Variants in FBXO34 observed in about 807,000 individuals in gnomAD.
FBXO34 encodes F-box only protein 34.
Under a neutral mutation model 24.5 loss-of-function variants are expected in FBXO34, and 12 were observed. The ratio of observed to expected loss-of-function variants is 0.49; its 90% confidence interval spans 0.31 to 0.79. The LOEUF (loss-of-function observed/expected upper bound fraction) is 0.79. Among genes scored for constraint, FBXO34 ranks in the 30% least tolerant of loss-of-function variants. The probability of loss-of-function intolerance (pLI) is 0.04; values close to 1 mark genes in which losing one functional copy is unlikely to be tolerated. For synonymous variants in FBXO34, 320 were observed against 311.9 expected, an observed-to-expected ratio of 1.03 and a Z score of -0.27; for missense variants, 823 against 857.7, an observed-to-expected ratio of 0.96 and a Z score of 0.51.
chr14:55,428,417 T>A, the FBXO34 span, among the ~76,000 whole-genome samples: 1 of 152,142 alleles, frequency 6.6e-6, no homozygotes, highest in Non-Finnish European at 1.5e-5. Flanking sequence ...CCAGTGTCAT[T>A]GCCAAGCTAC....
In FBXO34 at chr14:55,350,666, A is replaced by T. The variant is rs769523387; in HGVS notation, c.276A>T (p.Pro92=). The T allele has an allele frequency of 6.8e-5, 109 of 1,613,966 alleles. No individual in the cohort carries two copies. Among genetic ancestry groups the T allele is most frequent in the Non-Finnish European group, 8.7e-5 (103 of 1,180,002 alleles). ...SLNVKTKKNA[P]SATIHQGEEE... Reference sequence around the variant, plus strand: ...ATGTTAAAACCAAAAAGAATGCACCATCTGCAACGATCCACCAGGGCGAAG... The same window carrying T: ...ATGTTAAAACCAAAAAGAATGCACCTTCTGCAACGATCCACCAGGGCGAAG... The change falls in exon 2 of 2, where the codon CCA becomes CCT. Residue 92 remains proline, a synonymous_variant. Coordinates refer to ENST00000313833, the MANE Select transcript of FBXO34 (RefSeq NM_017943.4).
chr14:55,302,864 C>T (rs998936109), intron 1 of FBXO34, among the ~76,000 whole-genome samples: 25 of 152,272 alleles, frequency 1.6e-4, no homozygotes, highest in Admixed American at 1.0e-3. Flanking sequence ...GGGGCAAATG[C>T]GGCAAAGAAT....
chr14:55,305,547 T>C (rs1039547556), intron 1 of FBXO34, among the ~76,000 whole-genome samples: 1 of 150,972 alleles, frequency 6.6e-6, no homozygotes, highest in East Asian at 1.9e-4. Flanking sequence ...AATACAAAAA[T>C]TAGCCAGGTG....
chr14:55,402,323 T>C, the FBXO34 span, among the ~76,000 whole-genome samples: 1 of 152,218 alleles, frequency 6.6e-6, no homozygotes, highest in East Asian at 1.9e-4. Context: ...GAAACACTAC[T>C]AATGTATTTT....
downstream of FBXO34, chr14:55,354,724 G>C (rs1884493951): frequency 2.6e-5 from 4 of 152,314 alleles, no homozygotes; most frequent in Admixed American, 2.6e-4. Context: ...GGTGGCATCA[G>C]AGGACACCCC....
At chr14:55,376,236 CAAGTA>C in the FBXO34 span, among the ~76,000 whole-genome samples, 3 of 152,158 alleles carry the variant, frequency 2.0e-5, no homozygotes, top group Non-Finnish European at 4.4e-5. Context: ...ATATCCAAGG[CAAGTA>C]AAGTGGTTGG....
the FBXO34 span, among the ~76,000 whole-genome samples, chr14:55,425,938 T>C: frequency 3.6e-4 from 55 of 152,322 alleles, no homozygotes; most frequent in Non-Finnish European, 7.2e-4. Context: ...CTTATTCATA[T>C]AGCAAGTATT....
At chr14:55,298,617 G>A (rs955532029) in intron 1 of FBXO34, 6 of 1,181,996 alleles carry the variant, frequency 5.1e-6, no homozygotes, top group Non-Finnish European at 6.0e-6. Context: ...CAGCCGGAGC[G>A]GGCGTTGAAG....
chr14:55,375,490 A>AATTTTTTTTTTTTTTTTTTTTTTT, the FBXO34 span, among the ~76,000 whole-genome samples: 1 of 117,798 alleles, frequency 8.5e-6, no homozygotes, highest in Non-Finnish European at 1.7e-5. Flanking sequence ...GCCGGGCTAA[A>AATTTTTTTTTTTTTTTTTTTTTTT]TTTTTTTTTT....
the FBXO34 span, chr14:55,436,788 G>A: frequency 1.2e-6 from 2 of 1,614,208 alleles, no homozygotes; most frequent in Non-Finnish European, 1.7e-6. Context: ...GTGGACTTTG[G>A]CTTTCAGAAT....
At chr14:55,284,651 C>T (rs1360386162) in intron 1 of FBXO34, among the ~76,000 whole-genome samples, 12 of 134,778 alleles carry the variant, frequency 8.9e-5, no homozygotes, top group African/African-American at 3.3e-4. Context: ...AACAGGGTCT[C>T]TGTCACCCAA....
At chr14:55,342,365 C>T (rs1331902778) in intron 1 of FBXO34, among the ~76,000 whole-genome samples, 1 of 152,166 alleles carries the variant, frequency 6.6e-6, no homozygotes, top group Non-Finnish European at 1.5e-5. Context: ...TCGCCACTAA[C>T]CCTAACCACC....
At chr14:55,426,338 C>A in the FBXO34 span, among the ~76,000 whole-genome samples, 2 of 151,512 alleles carry the variant, frequency 1.3e-5, no homozygotes, top group Non-Finnish European at 2.9e-5. Flanking sequence ...ATGATTATGT[C>A]ATAGAAAGAT....
chr14:55,389,484 CAAATGTT>C, the FBXO34 span, among the ~76,000 whole-genome samples: 1 of 152,136 alleles, frequency 6.6e-6, no homozygotes, highest in Non-Finnish European at 1.5e-5. Context: ...TTTATTAGGA[CAAATGTT>C]TTCAATGGAA....
intron 1 of FBXO34, among the ~76,000 whole-genome samples, chr14:55,342,864 G>C: frequency 6.6e-6 from 1 of 152,146 alleles, no homozygotes; most frequent in Non-Finnish European, 1.5e-5. Flanking sequence ...TTTTATTTGC[G>C]TCATAATTTA....
chr14:55,297,127 G>A (rs961897543), intron 1 of FBXO34, among the ~76,000 whole-genome samples: 3 of 152,120 alleles, frequency 2.0e-5, no homozygotes. Flanking sequence ...AGATGGAGCC[G>A]CCATTTTGAA....
At chr14:55,374,216 G>T (rs1001223746), downstream of FBXO34, among the ~76,000 whole-genome samples, 480 of 151,348 alleles carry the variant, frequency 3.2e-3, 5 homozygotes, top group African/African-American at 0.011. Context: ...TTATTTTAAT[G>T]TTTTTTTTTA....
At chr14:55,272,749 A>C (rs927078484) in intron 1 of FBXO34, among the ~76,000 whole-genome samples, 7 of 152,014 alleles carry the variant, frequency 4.6e-5, no homozygotes, top group African/African-American at 1.7e-4. Context: ...CTACCACCCC[A>C]TGCTACCATG....
At chr14:55,411,984 C>T in the FBXO34 span, 3 of 658,660 alleles carry the variant, frequency 4.6e-6, no homozygotes, top group Non-Finnish European at 7.7e-6. Context: ...TTTTTCCGGT[C>T]TGCTGAGGGG....
Sources: allele counts gnomAD v4.1 joint callset (sites outside exome capture counted in the v4.1 genomes callset), GRCh38; gene constraint gnomAD v4.1.1; transcripts MANE v1.5; gene names NCBI Gene and HGNC (gene_info 2026-07-23, HGNC 2026-07-21).